DTWD2: variants seen among roughly 807,000 people sequenced by gnomAD.
DTWD2 encodes the protein tRNA-uridine aminocarboxypropyltransferase 2.
DTWD2 carries 39 observed loss-of-function variants against 31.8 expected under a neutral mutation model. That is an observed-to-expected ratio of 1.22 (90% CI 0.95 to 1.60). The LOEUF is 1.60. Among genes scored for constraint, DTWD2 ranks in the 40% most tolerant of loss-of-function variants. DTWD2 has a pLI of 0.00. For missense variants in DTWD2, 515 were observed against 381.5 expected (o/e 1.35, Z -2.92); for synonymous variants, 180 against 142.8 (o/e 1.26, Z -1.86).
At chr5:118,886,516 T>A (rs980195240) in intron 4 of DTWD2, among the ~76,000 whole-genome samples, 2 of 152,178 alleles carry the variant, frequency 1.3e-5, no homozygotes, top group African/African-American at 4.8e-5. Flanking sequence ...TATAAGTTAA[T>A]CTGAGGAATA....
chr5:118,879,215 T>G (rs1367350726), intron 4 of DTWD2, among the ~76,000 whole-genome samples: 1 of 152,094 alleles, frequency 6.6e-6, no homozygotes, highest in South Asian at 2.1e-4. Flanking sequence ...CTATTCACAA[T>G]AGCAAAGTCA....
chr5:118,953,146 G>C (rs576606565), intron 1 of DTWD2, among the ~76,000 whole-genome samples: 3 of 152,310 alleles, frequency 2.0e-5, no homozygotes, highest in East Asian at 3.9e-4. Flanking sequence ...GTAAGCCTGA[G>C]AATGTGCATT....
chr5:118,919,982 T>C (rs1753664676), intron 4 of DTWD2, among the ~76,000 whole-genome samples: 1 of 152,020 alleles, frequency 6.6e-6, no homozygotes, highest in African/African-American at 2.4e-5. Flanking sequence ...CTTTGTTTCA[T>C]TGTATATTAC....
At chr5:118,977,612 T>C (rs1238584968) in intron 1 of DTWD2, among the ~76,000 whole-genome samples, 1 of 152,098 alleles carries the variant, frequency 6.6e-6, no homozygotes, top group Non-Finnish European at 1.5e-5. Context: ...ATAAAATGCC[T>C]AGATATAGAG....
intron 4 of DTWD2, among the ~76,000 whole-genome samples, chr5:118,856,969 G>A (rs1314243971): frequency 6.6e-6 from 1 of 151,494 alleles, no homozygotes; most frequent in East Asian, 1.9e-4. Context: ...TAGAGACGGG[G>A]TTTCAACATG....
At position 118,839,381 on chromosome 5, in the gene DTWD2, G is replaced by C. The variant is rs1172318332; in HGVS notation, c.*1536C>G. 6.6e-6 allele frequency: 1 copy of C among 151,858 alleles called. No homozygotes were observed. The highest frequency in any genetic ancestry group is 1.5e-5 in the Non-Finnish European group (1 of 67,984). The allele number at this position is 151,858 out of a possible 1,614,324, so 9.4% of individuals were successfully genotyped here. ...TTATTTATTTATTTATTTTAGACAG[G>C]TCTCACTCTGTAGCCCAGGCTGGAG... On this transcript the variant is annotated 3_prime_UTR_variant, in exon 6 of 6. Transcript: ENST00000510708.
intron 4 of DTWD2, among the ~76,000 whole-genome samples, chr5:118,895,833 T>C (rs1361291471): frequency 6.6e-6 from 1 of 152,152 alleles, no homozygotes; most frequent in East Asian, 1.9e-4. Context: ...AGAACTATTA[T>C]ATATCCCTAT....
intron 1 of DTWD2, among the ~76,000 whole-genome samples, chr5:118,945,774 A>AAAAGAAAGAAAGAAAGAAACAAAGAAAG (rs1754323167): frequency 7.4e-6 from 1 of 134,262 alleles, no homozygotes; most frequent in African/African-American, 2.9e-5. Flanking sequence ...CAAAAAAAAA[A>AAAAGAAAGAAAGAAAGAAACAAAGAAAG]AAAGAAAGAA....
At chr5:118,934,905 A>G (rs1365868089) in intron 3 of DTWD2, among the ~76,000 whole-genome samples, 1 of 152,198 alleles carries the variant, frequency 6.6e-6, no homozygotes, top group East Asian at 1.9e-4. Flanking sequence ...ATTGTGAAAT[A>G]TATATTTGGT....
intron 1 of DTWD2, 101 bp downstream of exon 1, chr5:118,988,193 T>G (rs1755473807): frequency 7.0e-7 from 1 of 1,433,646 alleles, no homozygotes; most frequent in African/African-American, 1.4e-5. Context: ...GCCGCCCTAA[T>G]CGCAGAGCTG....
chr5:118,907,795 T>C (rs929088981), intron 4 of DTWD2, among the ~76,000 whole-genome samples: 2 of 151,788 alleles, frequency 1.3e-5, no homozygotes, highest in African/African-American at 2.4e-5. Context: ...AAAGGCAGTC[T>C]GCTGGAGAAT....
intron 1 of DTWD2, among the ~76,000 whole-genome samples, chr5:118,970,178 T>C (rs559255792): frequency 1.3e-5 from 2 of 152,194 alleles, no homozygotes; most frequent in South Asian, 2.1e-4. Flanking sequence ...TGCAATCCCA[T>C]CACTTTGGGA....
intron 1 of DTWD2, among the ~76,000 whole-genome samples, chr5:118,957,550 G>A (rs1405727812): frequency 6.6e-6 from 1 of 152,026 alleles, no homozygotes; most frequent in Non-Finnish European, 1.5e-5. Flanking sequence ...ACAGTGTGAA[G>A]TTGTCCTATC....
chr5:118,916,841 T>C (rs1753590536), intron 4 of DTWD2, among the ~76,000 whole-genome samples: 1 of 152,188 alleles, frequency 6.6e-6, no homozygotes, highest in Non-Finnish European at 1.5e-5. Context: ...TGTCACTAAC[T>C]TGTCACTAAC....
chr5:118,897,357 A>G (rs1259094412), intron 4 of DTWD2, among the ~76,000 whole-genome samples: 1 of 152,224 alleles, frequency 6.6e-6, no homozygotes, highest in East Asian at 1.9e-4. Flanking sequence ...CTCTAATTTG[A>G]GGTTTACTGG....
chr5:118,961,795 C>T (rs376874791), intron 1 of DTWD2, among the ~76,000 whole-genome samples: 1 of 152,110 alleles, frequency 6.6e-6, no homozygotes, highest in Admixed American at 6.5e-5. Flanking sequence ...CCTCATTTTA[C>T]ATCAATGTCC....
chr5:118,962,424 A>C (rs949410145), intron 1 of DTWD2, among the ~76,000 whole-genome samples: 2 of 152,148 alleles, frequency 1.3e-5, no homozygotes, highest in Admixed American at 1.3e-4. Context: ...AGTACAACTG[A>C]AAGTACCAGA....
chr5:118,942,349 C>T (rs758091821), intron 2 of DTWD2, among the ~76,000 whole-genome samples: 2 of 151,706 alleles, frequency 1.3e-5, no homozygotes, highest in African/African-American at 4.8e-5. Context: ...TTCTTAAAAA[C>T]AGAAAATAAT....
At chr5:118,861,893 AG>A (rs1226249801) in intron 4 of DTWD2, among the ~76,000 whole-genome samples, 1 of 152,218 alleles carries the variant, frequency 6.6e-6, no homozygotes, top group Non-Finnish European at 1.5e-5. Context: ...AGAGCTGAAG[AG>A]CCAAAATCAC....
Sources: allele counts gnomAD v4.1 joint callset (sites outside exome capture counted in the v4.1 genomes callset), GRCh38; gene constraint gnomAD v4.1.1; transcripts MANE v1.5; gene names NCBI Gene and HGNC (gene_info 2026-07-23, HGNC 2026-07-21).